Variants in HNRNPUL1 observed in about 807,000 individuals in gnomAD.
HNRNPUL1 encodes the protein heterogeneous nuclear ribonucleoprotein U like 1.
Under a neutral mutation model 108.5 loss-of-function variants are expected in HNRNPUL1, and 14 were observed. The observed-to-expected ratio is 0.13, with a 90% CI of 0.09 to 0.20. The LOEUF (loss-of-function observed/expected upper bound fraction) is 0.20, where lower values mean the gene tolerates loss of function less well. Among genes scored for constraint, HNRNPUL1 ranks in the 10% least tolerant of loss-of-function variants. The pLI is 1.00. For synonymous variants in HNRNPUL1, 422 were observed against 445.2 expected (o/e 0.95, Z 0.66); for missense variants, 804 against 1,168.3 (o/e 0.69, Z 4.55).
intron 3 of HNRNPUL1, among the ~76,000 whole-genome samples, chr19:41,273,739 C>G (rs1449985594): frequency 6.6e-6 from 1 of 152,162 alleles, no homozygotes; most frequent in Admixed American, 6.6e-5. Flanking sequence ...CTAAATGATT[C>G]TGATGCCCCC....
intron 14 of HNRNPUL1, 130 bp from the exon 15 acceptor site, chr19:41,306,319 T>C: frequency 1.6e-6 from 1 of 616,544 alleles, no homozygotes; most frequent in Non-Finnish European, 2.8e-6. Flanking sequence ...CCTTGATTTC[T>C]CTGTCAGGGG....
intron 6 of HNRNPUL1, among the ~76,000 whole-genome samples, chr19:41,279,580 T>G (rs2035785021): frequency 1.3e-5 from 2 of 152,164 alleles, no homozygotes; most frequent in Non-Finnish European, 2.9e-5. Flanking sequence ...CAGAGACCAG[T>G]GAGGCCAGGG....
intron 4 of HNRNPUL1, 101 bp downstream of exon 4, chr19:41,274,156 C>T (rs1473683608): frequency 3.2e-6 from 3 of 940,994 alleles, no homozygotes; most frequent in East Asian, 2.4e-5. Context: ...CGTCCAAAGA[C>T]ATTGTTAGTC....
At chr19:41,263,070 A>C (rs2034599473), upstream of HNRNPUL1, 1 of 151,214 alleles carries the variant, frequency 6.6e-6, no homozygotes, top group Non-Finnish European at 1.5e-5. Flanking sequence ...AAAGAACAAC[A>C]AAAAAAAGAA....
rs2036740485 is a variant in HNRNPUL1, at chr19:41,294,003, T to A, written c.1267-335T>A. The stretch of plus-strand genomic sequence containing the variant: ...GCCTGGGCAATAGAGTGAGACCCTG[T>A]CTCAAAAAAACAAAATACTATAAAT... On this transcript the variant is annotated intron_variant, in intron 8 of 14. Transcript: ENST00000392006. The surrounding 1 kb of genome is among the most constrained non-coding windows in gnomAD (Gnocchi z 4.3). Among the ~76,000 whole-genome samples the A allele has an allele frequency of 6.6e-6, 1 of 152,134 alleles. No individual in the cohort carries two copies. Among genetic ancestry groups the A allele is most frequent in the South Asian group, 2.1e-4 (1 of 4,832 alleles).
In HNRNPUL1 at chr19:41,294,571, G is replaced by A. The variant is rs528314138; in HGVS notation, c.1403G>A (p.Arg468His). ...TCCTGCCCGCAGGTGATGGGCCTAC[G>A]CCGGCAGCGGAACTATGCTGGCCGC... ...IMDKMRVMGL[R>H]RQRNYAGRWD... The change falls in exon 10 of 15, where the codon CGC (arginine) becomes CAC (histidine). Residue 468 changes from arginine to histidine, a missense_variant. Around this residue, in one of 4 missense-constraint regions of HNRNPUL1, gnomAD observed 80 missense variants for 221.8 expected, o/e 0.36. Transcript: ENST00000392006. This position sits in a 1 kb window ranked among gnomAD's most constrained non-coding sequence, Gnocchi z 4.3. 42 of 1,613,994 alleles carry A rather than the reference G, an allele frequency of 2.6e-5. No homozygotes were observed. Among genetic ancestry groups the A allele is most frequent in the East Asian group, 4.5e-5 (2 of 44,886 alleles).
intron 5 of HNRNPUL1, among the ~76,000 whole-genome samples, chr19:41,278,762 A>G (rs1279767935): frequency 6.6e-6 from 1 of 152,114 alleles, no homozygotes; most frequent in Non-Finnish European, 1.5e-5. Flanking sequence ...TACAGTTTTG[A>G]TAGAGACTTC....
At chr19:41,301,829 T>TAA in intron 11 of HNRNPUL1, 125 bp downstream of exon 11, 1 of 879,954 alleles carries the variant, frequency 1.1e-6, no homozygotes, top group South Asian at 1.8e-5. Flanking sequence ...TTTCTTTGCT[T>TAA]CTGCTTTGTC....
At chr19:41,263,970 T>C (rs2034642981), upstream of HNRNPUL1, among the ~76,000 whole-genome samples, 3 of 152,198 alleles carry the variant, frequency 2.0e-5, no homozygotes, top group Admixed American at 1.3e-4. Context: ...GGGCGGGAGA[T>C]GTACACCAAT....
At chr19:41,265,432 G>C in intron 1 of HNRNPUL1, 7 of 1,417,916 alleles carry the variant, frequency 4.9e-6, no homozygotes, top group Non-Finnish European at 6.5e-6. Flanking sequence ...TTTGGCTAGT[G>C]AGCATTTAGG....
At chr19:41,290,956 G>A (rs561244028) in intron 7 of HNRNPUL1, among the ~76,000 whole-genome samples, 65 of 152,340 alleles carry the variant, frequency 4.3e-4, no homozygotes, top group African/African-American at 1.4e-3. Flanking sequence ...TGAGGCAGGA[G>A]AATCGCTTGA....
At chr19:41,281,468 T>C (rs957361984) in intron 7 of HNRNPUL1, among the ~76,000 whole-genome samples, 193 bp downstream of exon 7, 4 of 152,034 alleles carry the variant, frequency 2.6e-5, no homozygotes, top group Admixed American at 2.6e-4. Context: ...TCTGGTCTTG[T>C]GTGCAAAGTT....
At chr19:41,276,448 A>C in intron 5 of HNRNPUL1, 150 bp downstream of exon 5, 1 of 746,090 alleles carries the variant, frequency 1.3e-6, no homozygotes, top group Non-Finnish European at 2.1e-6. Flanking sequence ...TGAACTCAAG[A>C]CAACTACATC....
chr19:41,264,302 GCACTGAC>G (rs1328026621), upstream of HNRNPUL1: 5 of 431,630 alleles, frequency 1.2e-5, no homozygotes, highest in Non-Finnish European at 2.0e-5. Flanking sequence ...GTTGCCCCAC[GCACTGAC>G]CAATTGGCAC....
chr19:41,305,026 G>C (rs988320480), intron 13 of HNRNPUL1, among the ~76,000 whole-genome samples: 5 of 152,292 alleles, frequency 3.3e-5, no homozygotes, highest in African/African-American at 1.2e-4. Flanking sequence ...AAAGGTGTTA[G>C]TAGAAGTCCC....
intron 4 of HNRNPUL1, among the ~76,000 whole-genome samples, chr19:41,275,210 C>T (rs560692303): frequency 5.9e-5 from 9 of 152,150 alleles, no homozygotes; most frequent in South Asian, 2.1e-4. Flanking sequence ...AGTCCGGTTC[C>T]CAAATTGATA....
In HNRNPUL1 at chr19:41,292,649, C is replaced by A; in HGVS notation, c.1266+138C>A. The A allele has an allele frequency of 9.2e-7, 1 of 1,088,312 alleles. No homozygotes were observed. The highest frequency in any genetic ancestry group is 1.3e-6 in the Non-Finnish European group (1 of 742,750). The allele number at this position is 1,088,312 out of a possible 1,614,324, so 67.4% of individuals were successfully genotyped here. On this transcript the variant is annotated intron_variant, in intron 8 of 14. Transcript: ENST00000392006. The surrounding 1 kb of genome is among the most constrained non-coding windows in gnomAD (Gnocchi z 4.1). ...TTTGTCCCAGCTCCTCAGGGTTGGA[C>A]TCAGAGCTGAAAAGCTGCTCTGAGT...
chr19:41,307,759 C>A lies in HNRNPUL1; in HGVS notation c.*1194C>A, dbSNP rs756624307. 1.3e-5 allele frequency among the ~76,000 whole-genome samples: 2 copies of A among 152,134 alleles called. No individual in the cohort carries two copies. The highest frequency in any genetic ancestry group is 2.4e-5 in the African/African-American group (1 of 41,416). The stretch of plus-strand genomic sequence containing the variant: ...GGCCTCTTTAAAGGGAAATTATTTA[C>A]TCATTCATTAAACAACTTAACTGAG... On this transcript the variant is annotated 3_prime_UTR_variant, in exon 15 of 15. Coordinates refer to ENST00000392006, the MANE Select transcript of HNRNPUL1 (RefSeq NM_007040.6).
chr19:41,265,309 C>G, intron 1 of HNRNPUL1: 2 of 1,515,728 alleles, frequency 1.3e-6, no homozygotes, highest in Non-Finnish European at 1.8e-6. Flanking sequence ...CTGGAATATG[C>G]CGCTGGATGC....
Sources: gnomAD v4.1 joint callset for allele counts (sites outside exome capture counted in the v4.1 genomes callset) on GRCh38, gnomAD v4.1.1 for gene constraint, gnomAD v4.1.1 regional missense constraint, Gnocchi (gnomAD v3.1) non-coding constraint, MANE v1.5 for transcripts, NCBI Gene and HGNC (gene_info 2026-07-23, HGNC 2026-07-21) for gene names.